Variants in CORIN observed in about 807,000 individuals in gnomAD.
The protein encoded by CORIN is corin, serine peptidase.
CORIN carries 117 observed loss-of-function variants against 125.3 expected under a neutral mutation model. The ratio of observed to expected loss-of-function variants is 0.93; its 90% CI spans 0.80 to 1.09. The LOEUF (loss-of-function observed/expected upper bound fraction) is 1.09, where lower values mean the gene tolerates loss of function less well. CORIN is among the 50% of genes least tolerant of loss of function. The probability of loss-of-function intolerance (pLI) is 0.00; values close to 1 mark genes in which losing one functional copy is unlikely to be tolerated. For missense variants in CORIN, 1,253 were observed against 1,306.7 expected (o/e 0.96, Z 0.63); for synonymous variants, 450 against 466.4 (o/e 0.96, Z 0.45).
chr4:47,689,722 TAAC>T (rs1301831646), intron 6 of CORIN, among the ~76,000 whole-genome samples: 1 of 152,132 alleles, frequency 6.6e-6, no homozygotes, highest in Non-Finnish European at 1.5e-5. Context: ...TATAGAATCT[TAAC>T]AACAAAAGAG....
chr4:47,628,848 G>A (rs772361463), intron 16 of CORIN, among the ~76,000 whole-genome samples: 1 of 152,086 alleles, frequency 6.6e-6, no homozygotes, highest in Non-Finnish European at 1.5e-5. Flanking sequence ...GTGTGTGTAT[G>A]TGTATTCTTT....
At chr4:47,648,889 C>A (rs937910232) in intron 13 of CORIN, among the ~76,000 whole-genome samples, 1 of 152,178 alleles carries the variant, frequency 6.6e-6, no homozygotes, top group African/African-American at 2.4e-5. Flanking sequence ...CTGTAGCAGC[C>A]AGAGTACAGG....
intron 1 of CORIN, among the ~76,000 whole-genome samples, chr4:47,821,177 G>A: frequency 6.6e-6 from 1 of 151,946 alleles, no homozygotes; most frequent in East Asian, 1.9e-4. Flanking sequence ...AGAGGTTTCA[G>A]TGAGCCAAGA....
chr4:47,719,344 C>T (rs191734441), intron 5 of CORIN, among the ~76,000 whole-genome samples: 2 of 152,208 alleles, frequency 1.3e-5, no homozygotes, highest in African/African-American at 2.4e-5. Context: ...GTGACTAAAA[C>T]AATCCCCAGC....
chr4:47,799,698 C>T (rs574331969), intron 2 of CORIN, among the ~76,000 whole-genome samples: 2 of 152,120 alleles, frequency 1.3e-5, no homozygotes, highest in East Asian at 1.9e-4. Context: ...TACATATAAA[C>T]AAAATAGCAT....
intron 19 of CORIN, among the ~76,000 whole-genome samples, chr4:47,623,115 T>TAC (rs1218255928): frequency 2.5e-4 from 34 of 135,098 alleles, no homozygotes; most frequent in African/African-American, 1.0e-3. Flanking sequence ...TATATATATA[T>TAC]ATACACACAC....
intron 5 of CORIN, among the ~76,000 whole-genome samples, chr4:47,738,622 T>G (rs928603306): frequency 3.3e-5 from 5 of 152,280 alleles, no homozygotes; most frequent in Admixed American, 2.6e-4. Flanking sequence ...CATTATATTA[T>G]TTTAAATGTC....
chr4:47,722,666 CTT>C (rs1727404537), intron 5 of CORIN, among the ~76,000 whole-genome samples: 2 of 152,140 alleles, frequency 1.3e-5, no homozygotes, highest in South Asian at 2.1e-4. Context: ...AGGCAACAAA[CTT>C]ATTTTATTTT....
intron 6 of CORIN, among the ~76,000 whole-genome samples, chr4:47,689,995 C>T (rs1451740425): frequency 6.6e-6 from 1 of 152,140 alleles, no homozygotes; most frequent in Non-Finnish European, 1.5e-5. Context: ...TTTTCTACTG[C>T]ACCACTAAAA....
intron 5 of CORIN, among the ~76,000 whole-genome samples, chr4:47,709,250 C>T (rs963479043): frequency 1.3e-5 from 2 of 151,890 alleles, no homozygotes; most frequent in African/African-American, 4.8e-5. Flanking sequence ...TCAGCCAGGG[C>T]TGGCTACATA....
chr4:47,649,317 T>C (rs139754835), intron 13 of CORIN, among the ~76,000 whole-genome samples: 1 of 152,316 alleles, frequency 6.6e-6, no homozygotes, highest in Non-Finnish European at 1.5e-5. Flanking sequence ...TCCATCTACC[T>C]GAGTTTACTA....
Position 47,595,896 on chromosome 4 carries a change from C to T in CORIN, c.2954G>A (p.Ser985Asn). The T allele has an allele frequency of 6.2e-7, 1 of 1,607,660 alleles. No homozygotes were observed. The highest frequency in any genetic ancestry group is 8.5e-7 in the Non-Finnish European group (1 of 1,178,030). The change falls in exon 22 of 22, where the codon AGC (serine) becomes AAC (asparagine). Residue 985 changes from serine (S) to asparagine (N), a missense_variant. Coordinates refer to ENST00000273857, the MANE Select transcript of CORIN (RefSeq NM_006587.4). ...SGTVDSCMGD[S>N]GGPLVCEKPG... ...CTTCTCACAAACAAGAGGCCCACCGCTGTCACCCTGCAATAAGTAACGATG... is the reference window on the plus strand; with the variant it reads ...CTTCTCACAAACAAGAGGCCCACCGTTGTCACCCTGCAATAAGTAACGATG...
At chr4:47,658,054 T>C (rs1342457933) in intron 12 of CORIN, among the ~76,000 whole-genome samples, 1 of 152,118 alleles carries the variant, frequency 6.6e-6, no homozygotes, top group African/African-American at 2.4e-5. Flanking sequence ...CAAAGCCTTA[T>C]CCCAAATCCA....
At chr4:47,769,622 AC>A (rs1729927517) in intron 3 of CORIN, among the ~76,000 whole-genome samples, 1 of 152,118 alleles carries the variant, frequency 6.6e-6, no homozygotes, top group African/African-American at 2.4e-5. Context: ...TTCCAAATAC[AC>A]TATAAAGCTA....
In CORIN at chr4:47,746,521, C is replaced by A. The variant is rs138199816; in HGVS notation, c.618-1938G>T. 2.2e-4 allele frequency among the ~76,000 whole-genome samples: 34 copies of A among 152,030 alleles called. No homozygotes were observed. The East Asian group carries it at 6.6e-3, about 29-fold the overall frequency. On this transcript the variant is annotated intron_variant, in intron 4 of 21. Transcript: ENST00000273857. ...AAGTCCTAATTTCATGAATGCATGT[C>A]TTGAAAGCACAACGCAAATCTTTTT...
intron 21 of CORIN, among the ~76,000 whole-genome samples, chr4:47,599,353 A>T (rs1721364635): frequency 1.3e-5 from 2 of 152,150 alleles, no homozygotes; most frequent in Non-Finnish European, 1.5e-5. Context: ...TCTAAAATGG[A>T]TCATCAAAAA....
intron 3 of CORIN, among the ~76,000 whole-genome samples, chr4:47,764,646 T>C (rs1252557679): frequency 1.3e-5 from 2 of 152,192 alleles, no homozygotes; most frequent in Admixed American, 6.5e-5. Flanking sequence ...ATAGCCATTA[T>C]GTAGAAATTT....
chr4:47,601,054 A>C (rs1721430288), intron 20 of CORIN, among the ~76,000 whole-genome samples: 1 of 152,264 alleles, frequency 6.6e-6, no homozygotes, highest in Non-Finnish European at 1.5e-5. Context: ...TCTTTTAAAC[A>C]GTGATGGTGA....
chr4:47,738,699 A>G (rs1392797141), intron 5 of CORIN, among the ~76,000 whole-genome samples: 1 of 152,204 alleles, frequency 6.6e-6, no homozygotes, highest in Admixed American at 6.5e-5. Flanking sequence ...AGAGGGGGAA[A>G]AAACAGTCAA....
Sources: gnomAD v4.1 joint callset for allele counts (sites outside exome capture counted in the v4.1 genomes callset) on GRCh38, gnomAD v4.1.1 for gene constraint, MANE v1.5 for transcripts, NCBI Gene and HGNC (gene_info 2026-07-23, HGNC 2026-07-21) for gene names.